Variants in ATE1 observed in about 807,000 individuals in gnomAD.
The protein encoded by ATE1 is arginyl-tRNA--protein transferase 1.
Under a neutral mutation model 70.5 loss-of-function variants are expected in ATE1, and 36 were observed. The observed-to-expected ratio is 0.51, with a 90% confidence interval of 0.39 to 0.67. The LOEUF (loss-of-function observed/expected upper bound fraction) is 0.67, where lower values mean the gene tolerates loss of function less well. Among genes scored for constraint, ATE1 ranks in the 30% least tolerant of loss-of-function variants. ATE1 has a pLI of 0.00. For missense variants in ATE1, 593 were observed against 629.5 expected (o/e 0.94, Z 0.62); for synonymous variants, 232 against 219.3 (o/e 1.06, Z -0.51).
At chr10:121,824,933 G>C (rs1947946646) in intron 10 of ATE1, among the ~76,000 whole-genome samples, 2 of 151,242 alleles carry the variant, frequency 1.3e-5, no homozygotes, top group Non-Finnish European at 2.9e-5. Flanking sequence ...GAAAAGCATG[G>C]GAAACCCTAT....
intron 11 of ATE1, among the ~76,000 whole-genome samples, chr10:121,765,513 G>A (rs868672588): frequency 2.0e-5 from 3 of 152,162 alleles, no homozygotes; most frequent in South Asian, 4.1e-4. Context: ...GAAAAAATCC[G>A]CATCATATAT....
chr10:121,763,108 T>C (rs990987771), intron 11 of ATE1, among the ~76,000 whole-genome samples: 2 of 152,232 alleles, frequency 1.3e-5, no homozygotes, highest in African/African-American at 4.8e-5. Flanking sequence ...ATCTGTCCTA[T>C]GAAAACATTA....
chr10:121,862,167 G>A (rs955422701), intron 8 of ATE1, among the ~76,000 whole-genome samples: 4 of 152,054 alleles, frequency 2.6e-5, no homozygotes, highest in South Asian at 4.1e-4. Context: ...TGTTCTCTTC[G>A]TTCAGTAAAA....
chr10:121,770,136 G>A (rs552047157), intron 11 of ATE1, among the ~76,000 whole-genome samples: 1 of 151,592 alleles, frequency 6.6e-6, no homozygotes, highest in South Asian at 2.1e-4. Flanking sequence ...ATGGCTAAAC[G>A]AAGTATAACA....
intron 8 of ATE1, among the ~76,000 whole-genome samples, chr10:121,848,394 A>G (rs965881094): frequency 4.6e-5 from 7 of 151,938 alleles, no homozygotes; most frequent in African/African-American, 1.7e-4. Flanking sequence ...AGGCAGGCCG[A>G]TCATTTGAGG....
intron 6 of ATE1, among the ~76,000 whole-genome samples, chr10:121,901,881 GT>G (rs1950995264): frequency 6.6e-6 from 1 of 152,132 alleles, no homozygotes; most frequent in Admixed American, 6.6e-5. Context: ...GCCCAAAGTG[GT>G]TTTGGCACTA....
intron 10 of ATE1, among the ~76,000 whole-genome samples, chr10:121,824,898 CT>C (rs1233402129): frequency 6.6e-6 from 1 of 151,340 alleles, no homozygotes; most frequent in Non-Finnish European, 1.5e-5. Context: ...GAGAACTAAG[CT>C]TTGCATGCAA....
chr10:121,836,317 A>G (rs1948429740), intron 10 of ATE1, among the ~76,000 whole-genome samples: 1 of 152,140 alleles, frequency 6.6e-6, no homozygotes, highest in Non-Finnish European at 1.5e-5. Context: ...CAGAGCTGAA[A>G]GCCTCACTCT....
At chr10:121,928,150 A>G, upstream of ATE1, 3 of 1,269,930 alleles carry the variant, frequency 2.4e-6, no homozygotes, top group Non-Finnish European at 3.0e-6. Flanking sequence ...GCTTTCCACT[A>G]TTTCCGTTCC....
intron 8 of ATE1, among the ~76,000 whole-genome samples, chr10:121,848,639 G>A (rs889101879): frequency 2.0e-5 from 3 of 149,582 alleles, no homozygotes; most frequent in South Asian, 2.1e-4. Context: ...GGCCAGGTGC[G>A]GTGGCTCATG....
At chr10:121,810,859 T>C (rs571295670) in intron 10 of ATE1, among the ~76,000 whole-genome samples, 112 of 151,892 alleles carry the variant, frequency 7.4e-4, no homozygotes, top group African/African-American at 2.5e-3. Context: ...CATGCCAACA[T>C]GCCCAGCTAA....
chr10:121,880,718 T>G (rs1950200615), intron 7 of ATE1, among the ~76,000 whole-genome samples: 1 of 152,126 alleles, frequency 6.6e-6, no homozygotes, highest in Non-Finnish European at 1.5e-5. Flanking sequence ...ACTGACTAGA[T>G]GAAAATCAAC....
chr10:121,785,511 T>C (rs1047100090), intron 11 of ATE1, among the ~76,000 whole-genome samples: 4 of 152,152 alleles, frequency 2.6e-5, no homozygotes, highest in African/African-American at 7.2e-5. Context: ...GGACTTACTT[T>C]TTCTGTGGGC....
chr10:121,810,015 C>G lies in ATE1; in HGVS notation c.1258-19726G>C, dbSNP rs546879189. ...TGAGGAAGGTTTACTGAAGGCTGAACCAGTGATGTCCAATTAACCAGTAAG... is the reference window on the plus strand; with the variant it reads ...TGAGGAAGGTTTACTGAAGGCTGAAGCAGTGATGTCCAATTAACCAGTAAG... On this transcript the variant is annotated intron_variant, in intron 10 of 11. Transcript: ENST00000224652. Among the ~76,000 whole-genome samples the G allele has an allele frequency of 9.2e-5, 14 of 152,082 alleles. No homozygotes were observed. In the East Asian group the frequency reaches 2.7e-3, roughly 29 times the overall value.
chr10:121,847,000 T>C (rs954452306), intron 8 of ATE1, among the ~76,000 whole-genome samples: 2 of 152,190 alleles, frequency 1.3e-5, no homozygotes, highest in African/African-American at 4.8e-5. Flanking sequence ...TAACATGCTA[T>C]TGAACTGGAA....
intron 7 of ATE1, among the ~76,000 whole-genome samples, chr10:121,871,554 T>C (rs959521197): frequency 6.6e-6 from 1 of 152,202 alleles, no homozygotes; most frequent in Non-Finnish European, 1.5e-5. Flanking sequence ...CTATCTACTT[T>C]GTAAATGTTT....
At chr10:121,901,973 C>T (rs924679416) in intron 6 of ATE1, among the ~76,000 whole-genome samples, 1 of 152,132 alleles carries the variant, frequency 6.6e-6, no homozygotes, top group African/African-American at 2.4e-5. Flanking sequence ...ACACCATTTG[C>T]TGTCTTTACC....
intron 7 of ATE1, among the ~76,000 whole-genome samples, chr10:121,882,989 AC>A: frequency 6.6e-6 from 1 of 152,348 alleles, no homozygotes; most frequent in South Asian, 2.1e-4. Flanking sequence ...CCAGAAAAAA[AC>A]AATAGAAGTG....
chr10:121,873,132 T>G (rs922762915), intron 7 of ATE1, among the ~76,000 whole-genome samples: 3 of 152,174 alleles, frequency 2.0e-5, no homozygotes, highest in African/African-American at 7.2e-5. Context: ...TATTTGGCTT[T>G]TTAAACTTAA....
Sources: allele counts gnomAD v4.1 joint callset (sites outside exome capture counted in the v4.1 genomes callset), GRCh38; gene constraint gnomAD v4.1.1; transcripts MANE v1.5; gene names NCBI Gene and HGNC (gene_info 2026-07-23, HGNC 2026-07-21).